WDFY4: variants seen among roughly 807,000 people sequenced by gnomAD.
The protein encoded by WDFY4 is WDFY family member 4.
A neutral mutation model predicts 351.9 loss-of-function variants in WDFY4; 169 were observed. The ratio of observed to expected loss-of-function variants is 0.48; its 90% CI spans 0.42 to 0.55. The LOEUF is 0.55. Among genes scored for constraint, WDFY4 ranks in the 20% least tolerant of loss-of-function variants. The probability of loss-of-function intolerance (pLI) is 0.00; values close to 1 mark genes in which losing one functional copy is unlikely to be tolerated. For synonymous variants in WDFY4, 1,622 were observed against 1,574.6 expected (o/e 1.03, Z -0.71); for missense variants, 3,803 against 3,935.6 (o/e 0.97, Z 0.90).
chr10:48,777,467 G>C lies in WDFY4; in HGVS notation c.3147G>C (p.Glu1049Asp), dbSNP rs1276015447. ...CCACAGTTATGGGAACCAGCACTGAGTACTCTGTCTCTGGAGGAATTGGGA... is the reference window on the plus strand; with the variant it reads ...CCACAGTTATGGGAACCAGCACTGACTACTCTGTCTCTGGAGGAATTGGGA... ...TLSTVMGTST[E>D]YSVSGGIGTG... Residue 1049 changes from glutamate (E) to aspartate (D), a missense_variant, in exon 17 of 62, where the codon GAG becomes GAC. Coordinates refer to ENST00000325239, the MANE Select transcript of WDFY4 (RefSeq NM_001394531.1). 1 of 1,551,772 alleles carries C rather than the reference G, an allele frequency of 6.4e-7. No individual in the cohort carries two copies. Among genetic ancestry groups the C allele is most frequent in the Admixed American group, 2.0e-5 (1 of 51,016 alleles).
intron 11 of WDFY4, among the ~76,000 whole-genome samples, chr10:48,736,410 G>A (rs748736119): frequency 3.3e-5 from 5 of 152,202 alleles, no homozygotes; most frequent in Non-Finnish European, 7.3e-5. Flanking sequence ...ACTGGCACGG[G>A]TTATTTTCTG....
intron 51 of WDFY4, among the ~76,000 whole-genome samples, chr10:48,954,757 G>C (rs755722829): frequency 3.3e-5 from 5 of 152,140 alleles, no homozygotes; most frequent in Non-Finnish European, 7.3e-5. Context: ...GAAGTGAGAA[G>C]ACCCATTAAT....
intron 53 of WDFY4, among the ~76,000 whole-genome samples, chr10:48,961,967 G>C (rs753913362): frequency 6.6e-6 from 1 of 152,204 alleles, no homozygotes; most frequent in Non-Finnish European, 1.5e-5. Flanking sequence ...CTTGCTGAAG[G>C]AGAACTGGTG....
chr10:48,808,050 T>C, intron 28 of WDFY4, 92 bp downstream of exon 28: 8 of 1,083,882 alleles, frequency 7.4e-6, no homozygotes, highest in Non-Finnish European at 1.0e-5. Context: ...TTAGCATCTC[T>C]GAGTCTGTTT....
At chr10:48,891,818 A>G (rs1368452087) in intron 44 of WDFY4, among the ~76,000 whole-genome samples, 3 of 152,368 alleles carry the variant, frequency 2.0e-5, no homozygotes, top group South Asian at 4.1e-4. Flanking sequence ...TTATCTGCCA[A>G]TAACCAAGAA....
intron 47 of WDFY4, among the ~76,000 whole-genome samples, chr10:48,912,276 C>A (rs975474550): frequency 2.6e-5 from 4 of 152,236 alleles, no homozygotes; most frequent in African/African-American, 9.6e-5. Flanking sequence ...TGGAAGAAAA[C>A]TGGCTTCTGC....
intron 51 of WDFY4, 89 bp from the exon 52 acceptor site, chr10:48,957,040 C>A (rs1475355564): frequency 3.5e-5 from 51 of 1,476,058 alleles, no homozygotes; most frequent in Non-Finnish European, 4.2e-5. Context: ...AATGGTGGAA[C>A]CCGTGCCTCT....
In WDFY4 at chr10:48,966,586, G is replaced by A. The variant is rs926664544; in HGVS notation, c.8497G>A (p.Val2833Ile). ...AAGKPLPGKD[V>I]STPVSLPGHP... The stretch of plus-strand genomic sequence containing the variant: ...AGGGAAGCCTCTGCCTGGAAAGGAT[G>A]TCTCCACCCCCGTGAGCCTGCCTGG... The change falls in exon 55 of 62, where the codon GTC (valine) becomes ATC (isoleucine). Residue 2833 changes from valine (V) to isoleucine (I), a missense_variant. This residue lies in a region of WDFY4 where 3,054 missense variants were observed against 3,148.6 expected (regional missense o/e 0.97). Transcript: ENST00000325239. 5.8e-6 allele frequency: 9 copies of A among 1,551,994 alleles called. No individual in the cohort carries two copies. The highest frequency in any genetic ancestry group is 5.5e-5 in the African/African-American group (4 of 73,044).
intron 10 of WDFY4, 98 bp downstream of exon 10, chr10:48,734,133 A>T: frequency 9.5e-7 from 1 of 1,056,376 alleles, no homozygotes; most frequent in Non-Finnish European, 1.4e-6. Flanking sequence ...CTCAAGGAGT[A>T]ACCAATACAC....
intron 39 of WDFY4, among the ~76,000 whole-genome samples, chr10:48,841,409 T>C (rs1248996508): frequency 6.6e-6 from 1 of 152,134 alleles, no homozygotes; most frequent in Non-Finnish European, 1.5e-5. Context: ...TTTTTTTTTT[T>C]CGGAAAAGTT....
chr10:48,961,869 G>A (rs1042951166), intron 53 of WDFY4, among the ~76,000 whole-genome samples: 4 of 152,096 alleles, frequency 2.6e-5, no homozygotes, highest in Admixed American at 2.6e-4. Context: ...CAATACTCTG[G>A]AGGTGGCGAT....
chr10:48,800,674 CTT>C (rs2067039371), intron 24 of WDFY4, among the ~76,000 whole-genome samples: 2 of 48,198 alleles, frequency 4.1e-5, no homozygotes, highest in East Asian at 3.3e-3. Flanking sequence ...GTTTTGGTTT[CTT>C]TCTTTCTTTC....
At chr10:48,957,022 G>A (rs1300423260) in intron 51 of WDFY4, 107 bp from the exon 52 acceptor site, 3 of 1,400,426 alleles carry the variant, frequency 2.1e-6, no homozygotes, top group African/African-American at 2.8e-5. Context: ...GAGTAAATGA[G>A]AGGAGCTAAT....
rs1288535763 is a variant in WDFY4, at chr10:48,810,635, G to T, written c.4944G>T (p.Leu1648=). Reference sequence around the variant, plus strand: ...CTGTGCTGGCATTGAAGCTGCTGCTGTACTTTCTGGCAAGCCCCTCCCTCC... The same window carrying T: ...CTGTGCTGGCATTGAAGCTGCTGCTTTACTTTCTGGCAAGCCCCTCCCTCC... ...STTVLALKLL[L]YFLASPSLRT... The change falls in exon 29 of 62, where the codon CTG becomes CTT. Residue 1648 remains leucine (L), a synonymous_variant. Coordinates refer to ENST00000325239, the MANE Select transcript of WDFY4 (RefSeq NM_001394531.1). 1 of 1,551,686 alleles carries T rather than the reference G, an allele frequency of 6.4e-7. No homozygotes were observed. Among genetic ancestry groups the T allele is most frequent in the East Asian group, 2.4e-5 (1 of 40,926 alleles).
At chr10:48,735,383 A>G (rs2132365824) in intron 10 of WDFY4, among the ~76,000 whole-genome samples, 1 of 152,352 alleles carries the variant, frequency 6.6e-6, no homozygotes, top group East Asian at 1.9e-4. Flanking sequence ...TTTCTATATG[A>G]ATTTTGTCAG....
intron 1 of WDFY4, among the ~76,000 whole-genome samples, chr10:48,694,939 C>A (rs2063293308): frequency 6.6e-6 from 1 of 152,186 alleles, no homozygotes; most frequent in Admixed American, 6.5e-5. Flanking sequence ...ATGACTGTCC[C>A]ACTGCATCTG....
At chr10:48,876,511 G>A (rs977124051) in intron 42 of WDFY4, among the ~76,000 whole-genome samples, 6 of 152,160 alleles carry the variant, frequency 3.9e-5, no homozygotes, top group African/African-American at 9.7e-5. Flanking sequence ...ACAGAGAAAG[G>A]GCTTACTAAA....
chr10:48,763,044 C>A (rs915887875), intron 13 of WDFY4, among the ~76,000 whole-genome samples: 1 of 152,184 alleles, frequency 6.6e-6, no homozygotes, highest in Non-Finnish European at 1.5e-5. Flanking sequence ...CCCCTAAATC[C>A]CATCTTGTAG....
chr10:48,868,377 C>T (rs1328912558), intron 40 of WDFY4, among the ~76,000 whole-genome samples: 2 of 152,114 alleles, frequency 1.3e-5, no homozygotes, highest in East Asian at 1.9e-4. Flanking sequence ...TCAGAGGGAT[C>T]AGCAGGCATG....
Sources: gnomAD v4.1 joint callset for allele counts (sites outside exome capture counted in the v4.1 genomes callset) on GRCh38, gnomAD v4.1.1 for gene constraint, gnomAD v4.1.1 regional missense constraint, MANE v1.5 for transcripts, NCBI Gene and HGNC (gene_info 2026-07-23, HGNC 2026-07-21) for gene names.